The following CWF19L1 variants were observed in gnomAD, a reference collection of about 807,000 sequenced individuals.
CWF19L1 encodes the protein CWF19-like protein 1.
A neutral mutation model predicts 69.7 loss-of-function variants in CWF19L1; 60 were observed. The observed-to-expected ratio is 0.86, with a 90% confidence interval of 0.70 to 1.07. CWF19L1 has a LOEUF of 1.07. Among genes scored for constraint, CWF19L1 ranks in the 50% least tolerant of loss-of-function variants. The pLI is 0.00. For missense variants in CWF19L1, 591 were observed against 638.9 expected (o/e 0.92, Z 0.81); for synonymous variants, 209 against 222.2 (o/e 0.94, Z 0.53).
chr10:100,238,004 T>G lies in CWF19L1; in HGVS notation c.1254+18A>C. 4 of 1,612,184 alleles carry G rather than the reference T, an allele frequency of 2.5e-6. No homozygotes were observed. The highest frequency in any genetic ancestry group is 3.4e-6 in the Non-Finnish European group (4 of 1,178,272). ...TCCCCATAGCGCCCTTCCAAGTTTC[T>G]ATGAACAGACCACCTACCTGTAGCT... is the stretch of plus-strand genomic sequence containing the variant. On this transcript the variant is annotated intron_variant, in intron 11 of 13. Transcript: ENST00000354105.
intron 6 of CWF19L1, among the ~76,000 whole-genome samples, chr10:100,252,898 A>G (rs1410628581): frequency 6.6e-6 from 1 of 152,164 alleles, no homozygotes; most frequent in Non-Finnish European, 1.5e-5. Context: ...TTTAATTGAT[A>G]ACTAAAATTT....
chr10:100,235,116 T>C (rs1041962514), intron 13 of CWF19L1, among the ~76,000 whole-genome samples: 18 of 152,258 alleles, frequency 1.2e-4, no homozygotes, highest in African/African-American at 4.3e-4. Flanking sequence ...TGGCCACAAG[T>C]GGCTAGTCAC....
chr10:100,242,411 C>T (rs541196263), intron 10 of CWF19L1, among the ~76,000 whole-genome samples: 7 of 152,314 alleles, frequency 4.6e-5, no homozygotes, highest in African/African-American at 7.2e-5. Context: ...TGGTGGCTCA[C>T]GCCTGTAATC....
At chr10:100,257,657 G>C (rs891900746) in intron 4 of CWF19L1, among the ~76,000 whole-genome samples, 1 of 151,868 alleles carries the variant, frequency 6.6e-6, no homozygotes, top group Non-Finnish European at 1.5e-5. Flanking sequence ...CTCTCTTAAA[G>C]GTCACCCTAT....
chr10:100,260,145 G>A (rs1353702024), intron 4 of CWF19L1, 73 bp downstream of exon 4: 5 of 949,984 alleles, frequency 5.3e-6, no homozygotes, highest in Non-Finnish European at 6.5e-6. Flanking sequence ...TCCAGCCTGG[G>A]TGACAGAGCA....
Position 100,267,638 on chromosome 10 carries a change from T to C in CWF19L1, c.-45A>G. ...TGCGACTGCCACCTAAAATTGGGAA[T>C]GCGAATCCGCGCTCCCCGGAAAAAT... On this transcript the variant is annotated 5_prime_UTR_variant, in exon 1 of 14. Transcript: ENST00000354105. 1 of 1,611,904 alleles carries C rather than the reference T, an allele frequency of 6.2e-7. No individual in the cohort carries two copies. Among genetic ancestry groups the C allele is most frequent in the Non-Finnish European group, 8.5e-7 (1 of 1,177,958 alleles).
In CWF19L1 at chr10:100,256,252, C is replaced by T. The variant is rs751468509; in HGVS notation, c.504+10G>A. 1.2e-6 allele frequency: 2 copies of T among 1,609,112 alleles called. No individual in the cohort carries two copies. Among genetic ancestry groups the T allele is most frequent in the Non-Finnish European group, 1.7e-6 (2 of 1,175,702 alleles). ...CTTTTAGAAATTCCAACTAAACAAA[C>T]ACTACTCACAGAAGAATTCCCAAAG... On this transcript the variant is annotated intron_variant, in intron 5 of 13. Coordinates refer to ENST00000354105, the MANE Select transcript of CWF19L1 (RefSeq NM_018294.6).
chr10:100,246,692 G>T, intron 8 of CWF19L1, 103 bp downstream of exon 8: 2 of 1,172,510 alleles, frequency 1.7e-6, no homozygotes, highest in Non-Finnish European at 2.3e-6. Context: ...TTCCCAAGGG[G>T]AAAAAAAAGA....
At chr10:100,241,060 G>T (rs1212044972) in intron 10 of CWF19L1, among the ~76,000 whole-genome samples, 1 of 139,028 alleles carries the variant, frequency 7.2e-6, no homozygotes, top group Non-Finnish European at 1.5e-5. Flanking sequence ...CCCCAGGCTG[G>T]AGTGCAGTGG....
In CWF19L1 at chr10:100,245,930, CAGA is replaced by C. The variant is rs748758503; in HGVS notation, c.850-20_850-18del. 5.7e-6 allele frequency: 9 copies of C among 1,579,136 alleles called. No individual in the cohort carries two copies. Among genetic ancestry groups the C allele is most frequent in the Admixed American group, 1.7e-5 (1 of 59,924 alleles). ...TGATTCTTCCTGGAATGGCCAAAAG[CAGA>C]AGATTAAATGTTATTCAACTAACCT... On this transcript the variant is annotated intron_variant, in intron 8 of 13. Coordinates refer to ENST00000354105, the MANE Select transcript of CWF19L1 (RefSeq NM_018294.6).
intron 10 of CWF19L1, among the ~76,000 whole-genome samples, chr10:100,239,431 G>A (rs1384226884): frequency 1.3e-5 from 2 of 152,172 alleles, no homozygotes; most frequent in African/African-American, 2.4e-5. Context: ...GCGAGGTCAG[G>A]AGTTCAAGAC....
intron 1 of CWF19L1, among the ~76,000 whole-genome samples, chr10:100,266,576 G>A (rs781777944): frequency 6.6e-6 from 1 of 151,672 alleles, no homozygotes; most frequent in Non-Finnish European, 1.5e-5. Flanking sequence ...GTGCAGAGGT[G>A]CAGTGTCGGC....
At chr10:100,252,367 G>A (rs1017347382) in intron 6 of CWF19L1, among the ~76,000 whole-genome samples, 26 of 151,762 alleles carry the variant, frequency 1.7e-4, no homozygotes, top group African/African-American at 5.1e-4. Flanking sequence ...CCTGGGAGAC[G>A]GAGGTTGCAG....
chr10:100,252,685 A>C (rs1406596849), intron 6 of CWF19L1, among the ~76,000 whole-genome samples: 1 of 151,392 alleles, frequency 6.6e-6, no homozygotes, highest in East Asian at 2.0e-4. Flanking sequence ...ATACAAAAAA[A>C]CTTAGCCGGA....
chr10:100,262,074 A>C lies in CWF19L1; in HGVS notation c.24-11T>G, dbSNP rs889823549. On this transcript the variant is annotated splice_polypyrimidine_tract_variant and intron_variant, in intron 1 of 13. Coordinates refer to ENST00000354105, the MANE Select transcript of CWF19L1 (RefSeq NM_018294.6). The stretch of plus-strand genomic sequence containing the variant: ...TCTCCACAAGCCAAGCTGCAAACAA[A>C]GAGATAAACATTATAGCAATTCAGG... 1 of 1,607,810 alleles carries C rather than the reference A, an allele frequency of 6.2e-7. No homozygotes were observed. The highest frequency in any genetic ancestry group is 1.3e-5 in the African/African-American group (1 of 74,406).
chr10:100,242,157 TA>T (rs1475487999), intron 10 of CWF19L1, among the ~76,000 whole-genome samples: 5 of 152,150 alleles, frequency 3.3e-5, no homozygotes, highest in Admixed American at 3.3e-4. Context: ...ACCACCTGAA[TA>T]AAATCATACT....
At chr10:100,246,072 T>C in intron 8 of CWF19L1, 159 bp from the exon 9 acceptor site, 1 of 573,754 alleles carries the variant, frequency 1.7e-6, no homozygotes. Flanking sequence ...TTCCCAGTTC[T>C]GATGCCTGAA....
intron 7 of CWF19L1, 89 bp from the exon 8 acceptor site, chr10:100,247,024 A>C: frequency 8.4e-7 from 1 of 1,190,164 alleles, no homozygotes; most frequent in Non-Finnish European, 1.2e-6. Context: ...TTTCACAGAA[A>C]ACATGTGAAA....
At chr10:100,251,871 A>C (rs1181943798) in intron 6 of CWF19L1, among the ~76,000 whole-genome samples, 1 of 152,106 alleles carries the variant, frequency 6.6e-6, no homozygotes, top group East Asian at 1.9e-4. Flanking sequence ...GAACTGTGTA[A>C]GTTTTGAGTG....
Sources: gnomAD v4.1 joint callset for allele counts (sites outside exome capture counted in the v4.1 genomes callset) on GRCh38, gnomAD v4.1.1 for gene constraint, MANE v1.5 for transcripts, NCBI Gene and HGNC (gene_info 2026-07-23, HGNC 2026-07-21) for gene names.